The following NAALADL2 variants were observed in gnomAD, a reference collection of about 807,000 sequenced individuals.
NAALADL2 encodes the protein N-acetylated alpha-linked acidic dipeptidase like 2, also known as inactive N-acetylated-alpha-linked acidic dipeptidase-like protein 2.
NAALADL2 carries 76 observed loss-of-function variants against 87.2 expected under a neutral mutation model. That is an observed-to-expected ratio of 0.87 (90% CI 0.72 to 1.05). The LOEUF (loss-of-function observed/expected upper bound fraction) is 1.05, where lower values mean the gene tolerates loss of function less well. Ranked by LOEUF, NAALADL2 falls within the 50% of genes least tolerant of loss-of-function variation. The probability of loss-of-function intolerance (pLI) is 0.00; values close to 1 mark genes in which losing one functional copy is unlikely to be tolerated. For synonymous variants in NAALADL2, 354 were observed against 331.0 expected (o/e 1.07, Z -0.75); for missense variants, 1,089 against 945.8 (o/e 1.15, Z -1.99).
At chr3:175,596,722 T>G (rs913723699) in intron 10 of NAALADL2, among the ~76,000 whole-genome samples, 1 of 151,960 alleles carries the variant, frequency 6.6e-6, no homozygotes, top group African/African-American at 2.4e-5. Flanking sequence ...CCTAGTTTTT[T>G]AAATTATTTA....
chr3:174,521,251 C>A (rs1230453059), intron 1 of NAALADL2, among the ~76,000 whole-genome samples: 1 of 152,116 alleles, frequency 6.6e-6, no homozygotes, highest in Non-Finnish European at 1.5e-5. Context: ...ATGGAATCAA[C>A]CTAAGTGTCC....
chr3:175,374,066 T>C (rs1766819860), intron 5 of NAALADL2, among the ~76,000 whole-genome samples: 1 of 152,156 alleles, frequency 6.6e-6, no homozygotes. Context: ...ATATACATAT[T>C]GCATATATTT....
intron 5 of NAALADL2, among the ~76,000 whole-genome samples, chr3:175,394,268 A>C (rs1192953448): frequency 6.6e-6 from 1 of 152,200 alleles, no homozygotes; most frequent in Non-Finnish European, 1.5e-5. Context: ...ACAAATATAC[A>C]GTTAGATAGA....
chr3:175,395,915 T>C (rs1166202662), intron 5 of NAALADL2, among the ~76,000 whole-genome samples: 1 of 152,180 alleles, frequency 6.6e-6, no homozygotes, highest in Non-Finnish European at 1.5e-5. Flanking sequence ...GAACTGCTTC[T>C]CTTCTAGTTC....
chr3:175,450,941 G>A (rs1421516038), intron 6 of NAALADL2, among the ~76,000 whole-genome samples: 1 of 152,048 alleles, frequency 6.6e-6, no homozygotes, highest in Non-Finnish European at 1.5e-5. Flanking sequence ...AAGACCATGG[G>A]AATGCATCCT....
intron 3 of NAALADL2, among the ~76,000 whole-genome samples, chr3:174,754,010 A>C (rs886229684): frequency 6.6e-6 from 1 of 152,174 alleles, no homozygotes; most frequent in Non-Finnish European, 1.5e-5. Context: ...CTGACACCAG[A>C]TCTCAACTTT....
At chr3:174,895,412 TA>T (rs1731390088) in intron 1 of NAALADL2, among the ~76,000 whole-genome samples, 1 of 152,016 alleles carries the variant, frequency 6.6e-6, no homozygotes, top group Non-Finnish European at 1.5e-5. Context: ...TGTACGCCAA[TA>T]AATTGGAAAA....
At chr3:175,174,019 G>T in intron 2 of NAALADL2, among the ~76,000 whole-genome samples, 1 of 151,806 alleles carries the variant, frequency 6.6e-6, no homozygotes, top group African/African-American at 2.4e-5. Context: ...TTTTATATGG[G>T]ATATTATTTT....
chr3:174,738,380 A>G (rs1733418158), intron 3 of NAALADL2, among the ~76,000 whole-genome samples: 1 of 152,232 alleles, frequency 6.6e-6, no homozygotes, highest in East Asian at 1.9e-4. Context: ...AGGAACATAG[A>G]CAAATCTTTT....
chr3:175,088,400 G>A (rs570026267), intron 1 of NAALADL2, among the ~76,000 whole-genome samples: 1 of 152,110 alleles, frequency 6.6e-6, no homozygotes, highest in Non-Finnish European at 1.5e-5. Flanking sequence ...CTTAACCACA[G>A]TATCATGATA....
intron 2 of NAALADL2, among the ~76,000 whole-genome samples, chr3:174,714,082 G>A (rs1253234231): frequency 1.3e-5 from 2 of 152,098 alleles, no homozygotes; most frequent in East Asian, 1.9e-4. Flanking sequence ...TCTTGTTTTT[G>A]TCAGGTTTGT....
chr3:175,394,597 C>A (rs752784264), intron 5 of NAALADL2, among the ~76,000 whole-genome samples: 4 of 152,118 alleles, frequency 2.6e-5, no homozygotes, highest in African/African-American at 4.8e-5. Flanking sequence ...GATTTAGACA[C>A]AAATCTGTAA....
rs74872451 is a variant in NAALADL2 at position 175,291,812 on chromosome 3, A to C, written c.940-32363A>C. ...CTGAAAATAATCACCATGAAAACAT[A>C]CAATGGAGTTTCAAAGCTGCAATTA... is the stretch of plus-strand genomic sequence containing the variant. On this transcript the variant is annotated intron_variant, in intron 4 of 13. Transcript: ENST00000454872. Among the ~76,000 whole-genome samples, 19 of 152,324 alleles carry C rather than the reference A, an allele frequency of 1.2e-4. No individual in the cohort carries two copies. In the East Asian group the frequency reaches 3.5e-3, roughly 28 times the overall value.
At chr3:174,651,111 A>G (rs1041837079) in intron 2 of NAALADL2, among the ~76,000 whole-genome samples, 4 of 152,096 alleles carry the variant, frequency 2.6e-5, no homozygotes, top group Non-Finnish European at 2.9e-5. Context: ...CATTATTATA[A>G]AATTGTGCTA....
rs146269793 is a variant in NAALADL2 at position 174,574,099 on chromosome 3, T to A, written c.-115+23462T>A. Reference sequence around the variant, plus strand: ...GAATTTTAAATTTTGAATAGTTTTCTGTGTTTACTTAGGTAGTTTCTGCTA... The same window carrying A: ...GAATTTTAAATTTTGAATAGTTTTCAGTGTTTACTTAGGTAGTTTCTGCTA... On this transcript the variant is annotated intron_variant, in intron 2 of 3. Coordinates refer to the NAALADL2 transcript ENST00000434257. 5.8e-3 allele frequency among the ~76,000 whole-genome samples: 881 copies of A among 152,332 alleles called. 12 individuals are homozygous for A. Among genetic ancestry groups the A allele is most frequent in the African/African-American group, 0.019 (794 of 41,586 alleles).
chr3:174,909,487 A>T (rs1002034717), intron 1 of NAALADL2, among the ~76,000 whole-genome samples: 11 of 152,142 alleles, frequency 7.2e-5, no homozygotes, highest in Non-Finnish European at 1.5e-4. Context: ...TTTGAGGTAG[A>T]TACTAGTAAT....
chr3:174,522,792 GGT>G (rs1209081898), intron 1 of NAALADL2, among the ~76,000 whole-genome samples: 1 of 151,764 alleles, frequency 6.6e-6, no homozygotes. Flanking sequence ...AAATTAGCCG[GGT>G]GCGGTGGCGG....
At chr3:174,823,686 AG>A (rs1402057621) in intron 3 of NAALADL2, among the ~76,000 whole-genome samples, 1 of 152,118 alleles carries the variant, frequency 6.6e-6, no homozygotes, top group Non-Finnish European at 1.5e-5. Flanking sequence ...CTGTAACATA[AG>A]TTATTCTTTT....
At chr3:175,542,101 G>A (rs1396053697) in intron 9 of NAALADL2, among the ~76,000 whole-genome samples, 1 of 152,098 alleles carries the variant, frequency 6.6e-6, no homozygotes, top group Admixed American at 6.6e-5. Flanking sequence ...ACAATAGAGG[G>A]GAGAAGAGGA....
Sources: allele counts gnomAD v4.1 joint callset (sites outside exome capture counted in the v4.1 genomes callset), GRCh38; gene constraint gnomAD v4.1.1; transcripts MANE v1.5; gene names NCBI Gene and HGNC (gene_info 2026-07-23, HGNC 2026-07-21).